Variants in AFF1 observed in about 807,000 individuals in gnomAD.
The protein encoded by AFF1 is AF4/FMR2 family member 1.
Under a neutral mutation model 121.7 loss-of-function variants are expected in AFF1, and 48 were observed. The observed-to-expected ratio is 0.39, with a 90% CI of 0.31 to 0.50. The LOEUF is 0.50. Ranked by LOEUF, AFF1 falls within the 20% of genes least tolerant of loss-of-function variation. The pLI, the probability that AFF1 is intolerant of heterozygous loss-of-function variation, is 0.76. For missense variants in AFF1, 1,523 were observed against 1,511.7 expected (o/e 1.01, Z -0.12); for synonymous variants, 613 against 563.0 (o/e 1.09, Z -1.26).
intron 20 of AFF1, among the ~76,000 whole-genome samples, chr4:87,135,272 T>C (rs1207745285): frequency 1.3e-5 from 2 of 152,220 alleles, no homozygotes; most frequent in Non-Finnish European, 2.9e-5. Flanking sequence ...ATCTGTCTTA[T>C]CAAACTGATA....
At chr4:86,942,812 A>G (rs915863131) in intron 1 of AFF1, among the ~76,000 whole-genome samples, 1 of 152,374 alleles carries the variant, frequency 6.6e-6, no homozygotes, top group East Asian at 1.9e-4. Flanking sequence ...TGAAGACAAC[A>G]TGCTAAATAG....
intron 11 of AFF1, among the ~76,000 whole-genome samples, chr4:87,113,072 C>A (rs1726714742): frequency 6.6e-6 from 1 of 152,154 alleles, no homozygotes; most frequent in South Asian, 2.1e-4. Context: ...TTAATAAGGT[C>A]TAACAGCCGA....
intron 2 of AFF1, among the ~76,000 whole-genome samples, chr4:87,039,964 C>T (rs893929702): frequency 2.6e-5 from 4 of 152,072 alleles, no homozygotes; most frequent in Non-Finnish European, 2.9e-5. Flanking sequence ...TGCAGTGGCG[C>T]GATCTCGGCT....
At chr4:87,086,702 G>C (rs1723770536) in intron 5 of AFF1, among the ~76,000 whole-genome samples, 3 of 152,112 alleles carry the variant, frequency 2.0e-5, no homozygotes, top group Admixed American at 2.0e-4. Flanking sequence ...GATCTCCAGG[G>C]TCCATTCCAG....
intron 12 of AFF1, among the ~76,000 whole-genome samples, chr4:87,115,515 C>T (rs545027215): frequency 2.6e-5 from 4 of 151,072 alleles, no homozygotes; most frequent in East Asian, 3.9e-4. Context: ...GTCCTTCCAT[C>T]GGTCTTGCTA....
chr4:87,118,614 C>T (rs528282887), intron 12 of AFF1, among the ~76,000 whole-genome samples: 1 of 152,274 alleles, frequency 6.6e-6, no homozygotes, highest in South Asian at 2.1e-4. Context: ...TCAGGTGACC[C>T]TCCTGCCTCA....
intron 2 of AFF1, among the ~76,000 whole-genome samples, chr4:87,010,316 T>C (rs936591579): frequency 1.3e-5 from 2 of 152,190 alleles, no homozygotes; most frequent in Admixed American, 1.3e-4. Context: ...ACAATAAGTA[T>C]TTGGTTTATT....
At chr4:87,064,598 G>T (rs1265759358) in intron 4 of AFF1, among the ~76,000 whole-genome samples, 2 of 152,144 alleles carry the variant, frequency 1.3e-5, no homozygotes, top group African/African-American at 2.4e-5. Context: ...AAAATTAGCG[G>T]CTGGGCACGG....
intron 2 of AFF1, among the ~76,000 whole-genome samples, chr4:87,021,077 A>G (rs1051433836): frequency 1.3e-5 from 2 of 152,150 alleles, no homozygotes; most frequent in African/African-American, 4.8e-5. Context: ...GTTTTAATAT[A>G]TGATCGGGCT....
At position 87,047,334 on chromosome 4, in the gene AFF1, C is replaced by T; in HGVS notation, c.799C>T (p.Gln267Ter). The T allele has an allele frequency of 6.2e-7, 1 of 1,614,178 alleles. No individual in the cohort carries two copies. The highest frequency in any genetic ancestry group is 8.5e-7 in the Non-Finnish European group (1 of 1,180,034). ...GAAAGTCCATGATAAAGAGACCCCT[C>T]AAGACAGTTTGGTGGCCCCTGCCCA... The part of the protein sequence containing the change: ...AVKVHDKETP[Q>*]DSLVAPAQPP... The change falls in exon 4 of 21, where the codon CAA becomes TAA. Residue 267 changes from glutamine to a stop codon, truncating the protein, a stop_gained. Transcript: ENST00000395146. LOFTEE classifies it high-confidence loss of function.
chr4:87,067,906 CTCTA>C (rs1440692584), intron 4 of AFF1, among the ~76,000 whole-genome samples: 1 of 152,130 alleles, frequency 6.6e-6, no homozygotes, highest in Non-Finnish European at 1.5e-5. Flanking sequence ...ATTTTTATTT[CTCTA>C]TCAGTGTGCT....
intron 8 of AFF1, among the ~76,000 whole-genome samples, chr4:87,095,960 A>G (rs997030301): frequency 6.7e-6 from 1 of 150,076 alleles, no homozygotes; most frequent in Non-Finnish European, 1.5e-5. Context: ...TTTAGGCACA[A>G]TATTTGTTCC....
At chr4:87,025,630 CAG>C (rs1246564469) in intron 2 of AFF1, among the ~76,000 whole-genome samples, 2 of 152,156 alleles carry the variant, frequency 1.3e-5, no homozygotes, top group African/African-American at 4.8e-5. Flanking sequence ...TGTCTGGAGA[CAG>C]ATATGGCTGT....
At position 87,008,620 on chromosome 4, in the gene AFF1, GTT is replaced by G. The variant is rs11355941; in HGVS notation, c.39-37533_39-37532del. ...TGTTAACCTCTAGCTGAAATTTAGT[GTT>G]TTTTTTTTTTTTAAGTAGGACTAGA... On this transcript the variant is annotated intron_variant, in intron 2 of 20. Coordinates refer to ENST00000395146, the MANE Select transcript of AFF1 (RefSeq NM_001166693.3). Among the ~76,000 whole-genome samples the G allele has an allele frequency of 7.2e-3, 1,044 of 145,014 alleles. 6 individuals carry two copies. The highest frequency in any genetic ancestry group is 0.015 in the African/African-American group (582 of 39,280).
rs1483013189 is a variant in AFF1, at chr4:87,138,504, TGTGTGTGTGTG to T, written c.*2804_*2814del. 18 of 206,690 alleles carry T rather than the reference TGTGTGTGTGTG, an allele frequency of 8.7e-5. No homozygotes were observed. The highest frequency in any genetic ancestry group is 1.3e-4 in the East Asian group (2 of 15,190). The allele number at this position is 206,690 out of a possible 1,614,324, so 12.8% of individuals were successfully genotyped here. ...TGGCACTACAAGGTGTGTGTGTGTG[TGTGTGTGTGTG>T]TGTGTGTCTTTAGTAGGAAATGGAA... On this transcript the variant is annotated 3_prime_UTR_variant, in exon 21 of 21. Transcript: ENST00000395146.
At chr4:87,111,184 T>C (rs1726490881) in intron 11 of AFF1, among the ~76,000 whole-genome samples, 1 of 72,494 alleles carries the variant, frequency 1.4e-5, no homozygotes, top group African/African-American at 4.7e-5. Flanking sequence ...ATTTTTTGTA[T>C]TTTTTTTTTT....
intron 2 of AFF1, among the ~76,000 whole-genome samples, chr4:87,005,497 A>G (rs927277484): frequency 6.6e-6 from 1 of 152,224 alleles, no homozygotes; most frequent in African/African-American, 2.4e-5. Flanking sequence ...TCCTCAAAGA[A>G]ACAGGCTCAA....
At chr4:87,005,167 G>GTTTTT (rs1357037193) in intron 2 of AFF1, among the ~76,000 whole-genome samples, 6 of 152,162 alleles carry the variant, frequency 3.9e-5, no homozygotes, top group Non-Finnish European at 8.8e-5. Context: ...GGTAGAAATG[G>GTTTTT]GGTCTCACCA....
chr4:87,111,103 G>A (rs1726475693), intron 11 of AFF1, among the ~76,000 whole-genome samples: 1 of 84,764 alleles, frequency 1.2e-5, no homozygotes. Context: ...CGCCTCCCGG[G>A]TTCACGCCAT....
Sources: allele counts gnomAD v4.1 joint callset (sites outside exome capture counted in the v4.1 genomes callset), GRCh38; gene constraint gnomAD v4.1.1; transcripts MANE v1.5; gene names NCBI Gene and HGNC (gene_info 2026-07-23, HGNC 2026-07-21).